FHIT: variants seen among roughly 807,000 people sequenced by gnomAD.
FHIT encodes bis(5'-adenosyl)-triphosphatase.
In FHIT, 19 loss-of-function variants were observed where a neutral mutation model predicts 17.9. The ratio of observed to expected loss-of-function variants is 1.06; its 90% CI spans 0.74 to 1.56. The LOEUF is 1.56. FHIT is among the 40% of genes most tolerant of loss of function. FHIT has a pLI of 0.00. For synonymous variants in FHIT, 81 were observed against 69.7 expected (o/e 1.16, Z -0.81); for missense variants, 248 against 189.2 (o/e 1.31, Z -1.82).
chr3:61,104,999 T>C (rs2035948379), intron 2 of FHIT, among the ~76,000 whole-genome samples: 1 of 152,234 alleles, frequency 6.6e-6, no homozygotes, highest in African/African-American at 2.4e-5. Flanking sequence ...CTTCCTTGTA[T>C]TGAGTTTCAA....
intron 4 of FHIT, among the ~76,000 whole-genome samples, chr3:60,568,752 T>A (rs941222939): frequency 5.9e-5 from 9 of 152,130 alleles, no homozygotes; most frequent in African/African-American, 2.2e-4. Flanking sequence ...TTTAATGAAT[T>A]CCCTTTCAGC....
chr3:59,876,147 G>A (rs984199134), intron 8 of FHIT, among the ~76,000 whole-genome samples: 3 of 151,796 alleles, frequency 2.0e-5, no homozygotes, highest in Non-Finnish European at 4.4e-5. Flanking sequence ...CTGTACTCTT[G>A]AAAATGGTTA....
chr3:60,363,716 A>G (rs898867827), intron 5 of FHIT, among the ~76,000 whole-genome samples: 1 of 152,126 alleles, frequency 6.6e-6, no homozygotes, highest in Non-Finnish European at 1.5e-5. Context: ...TCTGTACCCC[A>G]GGAGTCTGGC....
intron 3 of FHIT, among the ~76,000 whole-genome samples, chr3:61,036,960 G>A (rs927095957): frequency 1.4e-5 from 2 of 147,106 alleles, no homozygotes; most frequent in Admixed American, 1.4e-4. Flanking sequence ...CGCCTAGGCC[G>A]GAGTGCAGTG....
chr3:60,506,630 C>T (rs535958673), intron 5 of FHIT, among the ~76,000 whole-genome samples: 2 of 152,288 alleles, frequency 1.3e-5, no homozygotes, highest in South Asian at 2.1e-4. Flanking sequence ...GGATATAACA[C>T]ACGGCCCTCC....
intron 4 of FHIT, among the ~76,000 whole-genome samples, chr3:60,711,029 AGGGG>A (rs2041515145): frequency 6.6e-6 from 1 of 152,164 alleles, no homozygotes; most frequent in African/African-American, 2.4e-5. Flanking sequence ...ACCCCCCAGT[AGGGG>A]CAGACTGACA....
chr3:60,138,987 C>G (rs971967999), intron 5 of FHIT, among the ~76,000 whole-genome samples: 2 of 152,206 alleles, frequency 1.3e-5, no homozygotes, highest in East Asian at 1.9e-4. Flanking sequence ...CACTGAGTGG[C>G]CAGGTACTGA....
At chr3:60,648,099 AGAG>A (rs1387779162) in intron 4 of FHIT, among the ~76,000 whole-genome samples, 7 of 152,270 alleles carry the variant, frequency 4.6e-5, no homozygotes, top group African/African-American at 1.7e-4. Flanking sequence ...ATGAGAGGAC[AGAG>A]GATAGATGGG....
intron 4 of FHIT, among the ~76,000 whole-genome samples, chr3:60,630,939 A>C (rs1553682255): frequency 1.0e-5 from 1 of 97,958 alleles, no homozygotes; most frequent in Non-Finnish European, 2.1e-5. Flanking sequence ...GTCATTAAAA[A>C]AAAAAAAAAA....
chr3:61,011,113 C>T (rs1364461430), intron 3 of FHIT, among the ~76,000 whole-genome samples: 2 of 152,128 alleles, frequency 1.3e-5, no homozygotes, highest in South Asian at 2.1e-4. Flanking sequence ...AAATTATATG[C>T]ACTGACTTAC....
At chr3:60,926,407 C>G (rs565432306) in intron 3 of FHIT, among the ~76,000 whole-genome samples, 7 of 152,316 alleles carry the variant, frequency 4.6e-5, no homozygotes, top group African/African-American at 1.7e-4. Context: ...GAAACTCACT[C>G]GAAACCACAC....
chr3:60,661,558 G>C (rs2040247962), intron 4 of FHIT, among the ~76,000 whole-genome samples: 1 of 151,928 alleles, frequency 6.6e-6, no homozygotes, highest in Non-Finnish European at 1.5e-5. Flanking sequence ...TTTTCCTCTG[G>C]GTAGATACCC....
rs532117107 is a variant in FHIT, at chr3:59,783,553, C to A, written c.349-31232G>T. On this transcript the variant is annotated intron_variant, in intron 8 of 9. Transcript: ENST00000492590. ...TACCACAGCCCTCTCTCTCTGCCATCACCAGGCACTTTCTGACATTTCCAT... is the reference window on the plus strand; with the variant it reads ...TACCACAGCCCTCTCTCTCTGCCATAACCAGGCACTTTCTGACATTTCCAT... Among the ~76,000 whole-genome samples the A allele has an allele frequency of 3.3e-5, 5 of 152,338 alleles. No individual in the cohort carries two copies. The East Asian group carries it at 9.6e-4, about 29-fold the overall frequency.
chr3:60,512,689 G>C (rs188352912), intron 5 of FHIT, among the ~76,000 whole-genome samples: 4 of 152,296 alleles, frequency 2.6e-5, no homozygotes, highest in Non-Finnish European at 5.9e-5. Flanking sequence ...TGATGCAGAG[G>C]CAAGGGGACA....
intron 5 of FHIT, among the ~76,000 whole-genome samples, chr3:60,223,229 A>G (rs1459973379): frequency 6.6e-6 from 1 of 152,092 alleles, no homozygotes; most frequent in Admixed American, 6.5e-5. Context: ...TCTGTGCTTT[A>G]TTTATTACAA....
At chr3:60,026,472 T>C (rs1444133567) in intron 5 of FHIT, among the ~76,000 whole-genome samples, 3 of 152,176 alleles carry the variant, frequency 2.0e-5, no homozygotes, top group Admixed American at 6.5e-5. Flanking sequence ...AAAATGTCTG[T>C]ACTTTTCTAC....
chr3:61,142,232 G>A (rs769718574), intron 2 of FHIT, among the ~76,000 whole-genome samples: 1 of 151,148 alleles, frequency 6.6e-6, no homozygotes, highest in Non-Finnish European at 1.5e-5. Context: ...AAAATATCAG[G>A]TTGCTCTCTC....
intron 5 of FHIT, among the ~76,000 whole-genome samples, chr3:60,039,732 G>A (rs1390043933): frequency 6.6e-6 from 1 of 152,230 alleles, no homozygotes; most frequent in East Asian, 1.9e-4. Context: ...CTGGGAAGAT[G>A]ATGGTGGAAG....
intron 4 of FHIT, among the ~76,000 whole-genome samples, chr3:60,589,180 G>T (rs531232572): frequency 3.3e-5 from 5 of 152,102 alleles, no homozygotes; most frequent in East Asian, 2.0e-4. Context: ...TTTATATAGA[G>T]AGAGAAAAAG....
Sources: gnomAD v4.1 joint callset for allele counts (sites outside exome capture counted in the v4.1 genomes callset) on GRCh38, gnomAD v4.1.1 for gene constraint, MANE v1.5 for transcripts, NCBI Gene and HGNC (gene_info 2026-07-23, HGNC 2026-07-21) for gene names.